The following FARSB variants were observed in gnomAD, a reference collection of about 807,000 sequenced individuals.
FARSB encodes the protein phenylalanyl-tRNA synthetase subunit beta, also known as phenylalanine--tRNA ligase beta subunit.
In FARSB, 40 loss-of-function variants were observed where a neutral mutation model predicts 69.6. The ratio of observed to expected loss-of-function variants is 0.57; its 90% CI spans 0.45 to 0.75. FARSB has a LOEUF of 0.75. Ranked by LOEUF, FARSB falls within the 30% of genes least tolerant of loss-of-function variation. FARSB has a pLI of 0.00. For missense variants in FARSB, 632 were observed against 722.9 expected (o/e 0.87, Z 1.44); for synonymous variants, 235 against 247.2 (o/e 0.95, Z 0.46).
intron 3 of FARSB, among the ~76,000 whole-genome samples, chr2:222,641,289 T>C (rs368455112): frequency 6.6e-6 from 1 of 152,172 alleles, no homozygotes; most frequent in Non-Finnish European, 1.5e-5. Flanking sequence ...ATTCTAACCA[T>C]GAGATTCTGA....
rs779522573 is a variant in FARSB at position 222,633,273 on chromosome 2, A to G, written c.641T>C (p.Ile214Thr). The change falls in exon 7 of 17, where the codon ATT (isoleucine) becomes ACT (threonine). Residue 214 changes from isoleucine (I) to threonine (T), a missense_variant. Transcript: ENST00000281828. ...AACTGGATACAGGGGTTTGTTTTCAATGATATGTAAATAATGTTTCAGGTG... is the reference window on the plus strand; with the variant it reads ...AACTGGATACAGGGGTTTGTTTTCAGTGATATGTAAATAATGTTTCAGGTG... Reference protein sequence around the residue: ...DNHLKHYLHIIENKPLYPVIY... With the variant: ...DNHLKHYLHITENKPLYPVIY... 1.3e-6 allele frequency: 2 copies of G among 1,568,344 alleles called. No individual in the cohort carries two copies. Among genetic ancestry groups the G allele is most frequent in the South Asian group, 2.3e-5 (2 of 85,844 alleles).
Position 222,633,180 on chromosome 2 carries a change from T to G in FARSB, c.715+19A>C. On this transcript the variant is annotated intron_variant, in intron 7 of 16. Transcript: ENST00000281828. ...AAAAGGAAACAGCAAAGATCTGTGA[T>G]GCTTATAAAATAACTCACCATTGAT... 2 of 1,118,686 alleles carry G rather than the reference T, an allele frequency of 1.8e-6. No homozygotes were observed. The highest frequency in any genetic ancestry group is 1.4e-6 in the Non-Finnish European group (1 of 728,712). The allele number at this position is 1,118,686 out of a possible 1,614,324, so 69.3% of individuals were successfully genotyped here. A position where few individuals can be genotyped will look rare whatever the true frequency, so the allele number is the denominator to read the frequency against.
In FARSB at chr2:222,624,456, T is replaced by C. The variant is rs554768563; in HGVS notation, c.986A>G (p.Lys329Arg). Residue 329 changes from lysine (K) to arginine (R), a missense_variant, in exon 12 of 17, where the codon AAA becomes AGA. Physicochemically the swap from Lys to Arg is conservative, Grantham distance 26. Coordinates refer to ENST00000281828, the MANE Select transcript of FARSB (RefSeq NM_005687.5). ...TTTTAAATACATCCTGGTCAGAAGT[T>C]TGGCAAGATTTTCTGGAGTTTCTCT... ...GIRETPENLAKLLTRMYLKSE... is the reference protein window; with the variant it reads ...GIRETPENLARLLTRMYLKSE... 2.0e-4 allele frequency: 329 copies of C among 1,612,536 alleles called. 2 individuals carry two copies. The South Asian group carries it at 3.4e-3, about 17-fold the overall frequency.
In FARSB at chr2:222,613,914, G is replaced by A. The variant is rs1690926568; in HGVS notation, c.1359C>T (p.Thr453=). The change falls in exon 15 of 17, where the codon ACC becomes ACT. Residue 453 remains threonine, a synonymous_variant. Transcript: ENST00000281828. ...TGGTCTTCAGGAGGCCAGGAAGAAG[G>A]GTAGTGCGTGCCACCTACAGGAAAA... The part of the protein sequence containing the change: ...KTAEFQVART[T]LLPGLLKTIA... The A allele has an allele frequency of 1.2e-6, 2 of 1,611,048 alleles. No homozygotes were observed. The highest frequency in any genetic ancestry group is 1.7e-6 in the Non-Finnish European group (2 of 1,177,348).
At chr2:222,625,784 T>A (rs1691253871) in intron 10 of FARSB, among the ~76,000 whole-genome samples, 1 of 152,242 alleles carries the variant, frequency 6.6e-6, no homozygotes, top group South Asian at 2.1e-4. Flanking sequence ...ATGCTATTAG[T>A]ATTCTCATTT....
chr2:222,626,451 T>C (rs1691278644), intron 10 of FARSB, among the ~76,000 whole-genome samples: 1 of 152,090 alleles, frequency 6.6e-6, no homozygotes, highest in Non-Finnish European at 1.5e-5. Context: ...TGAGAAAATA[T>C]GCTATTTCAT....
intron 10 of FARSB, among the ~76,000 whole-genome samples, chr2:222,628,083 T>G (rs10932964): frequency 0.28 from 42,676 of 152,130 alleles, 7,167 homozygotes; most frequent in Non-Finnish European, 0.37. Context: ...AAATTAGTCT[T>G]AATAATACAT....
Position 222,624,332 on chromosome 2 carries a change from A to G in FARSB, c.1110T>C (p.Ile370=), listed in dbSNP as rs1290652443. 1 of 1,613,102 alleles carries G rather than the reference A, an allele frequency of 6.2e-7. No individual in the cohort carries two copies. The highest frequency in any genetic ancestry group is 1.3e-5 in the African/African-American group (1 of 75,058). Residue 370 remains isoleucine, a synonymous_variant, in exon 12 of 17, where the codon ATT becomes ATC. Coordinates refer to ENST00000281828, the MANE Select transcript of FARSB (RefSeq NM_005687.5). ...HACDIVEDAA[I]AYGYNNIQMT... ...TCTGAATGTTGTTATATCCATAAGCAATAGCTGCATCTTCTACAATATCAC... is the reference window on the plus strand; with the variant it reads ...TCTGAATGTTGTTATATCCATAAGCGATAGCTGCATCTTCTACAATATCAC...
Position 222,625,324 on chromosome 2 carries a change from A to G in FARSB, c.901-549T>C, listed in dbSNP as rs1204816376. ...GTATTAGTGAGGTGAGAACACACAC[A>G]CATAAATCCCAGGCTTTTCAACACC... On this transcript the variant is annotated intron_variant, in intron 10 of 16. Transcript: ENST00000281828. Among the ~76,000 whole-genome samples the G allele has an allele frequency of 5.9e-5, 9 of 152,368 alleles. No individual in the cohort carries two copies. In the East Asian group the frequency reaches 1.7e-3, roughly 29 times the overall value.
At chr2:222,639,924 G>GA (rs1182148814) in intron 4 of FARSB, among the ~76,000 whole-genome samples, 1 of 152,112 alleles carries the variant, frequency 6.6e-6, no homozygotes, top group African/African-American at 2.4e-5. Context: ...AAATAATTGA[G>GA]AAAAAGTTTG....
chr2:222,575,916 GTT>G (rs1377950189), intron 16 of FARSB, among the ~76,000 whole-genome samples: 4 of 151,838 alleles, frequency 2.6e-5, no homozygotes, highest in Non-Finnish European at 5.9e-5. Context: ...CCATCAAAGA[GTT>G]TGTAAGCTCC....
intron 16 of FARSB, among the ~76,000 whole-genome samples, chr2:222,595,816 C>T (rs1690397784): frequency 6.6e-6 from 1 of 151,938 alleles, no homozygotes; most frequent in Admixed American, 6.6e-5. Flanking sequence ...ATTTTCCTTG[C>T]CCAGAAGTGG....
intron 16 of FARSB, among the ~76,000 whole-genome samples, chr2:222,599,096 C>A (rs7591848): frequency 0.96 from 145,680 of 152,162 alleles, 69,784 homozygotes; most frequent in East Asian, 1. Flanking sequence ...AAGAAAAAAA[C>A]ATATTACCCC....
intron 2 of FARSB, among the ~76,000 whole-genome samples, chr2:222,648,087 G>A (rs749655671): frequency 1.3e-5 from 2 of 152,048 alleles, no homozygotes; most frequent in African/African-American, 2.4e-5. Context: ...TCAAGCCCCC[G>A]CGAGGAAGGA....
At chr2:222,638,928 A>G (rs927672625) in intron 5 of FARSB, among the ~76,000 whole-genome samples, 5 of 152,362 alleles carry the variant, frequency 3.3e-5, no homozygotes, top group Admixed American at 2.6e-4. Context: ...ATCAGTAAGT[A>G]TACAGTTTCC....
At position 222,579,104 on chromosome 2, in the gene FARSB, T is replaced by TG. The variant is rs199743332; in HGVS notation, c.1619-7083dup. Among the ~76,000 whole-genome samples, 1,150 of 152,110 alleles carry TG rather than the reference T, an allele frequency of 7.6e-3. 13 individuals carry two copies. Among genetic ancestry groups the TG allele is most frequent in the African/African-American group, 0.027 (1,112 of 41,488 alleles). On this transcript the variant is annotated intron_variant, in intron 16 of 16. Coordinates refer to ENST00000281828, the MANE Select transcript of FARSB (RefSeq NM_005687.5). ...CTTTGTGGGACAGACAAGTTACAGA[T>TG]GGGAAAAAGTGAAGCACAAGGAGAT...
At chr2:222,627,421 C>T (rs143661274) in intron 10 of FARSB, among the ~76,000 whole-genome samples, 27 of 152,284 alleles carry the variant, frequency 1.8e-4, no homozygotes, top group African/African-American at 4.3e-4. Context: ...AAGAAGCAGA[C>T]GTGAGTGAGG....
At chr2:222,595,301 C>T (rs1427392246) in intron 16 of FARSB, among the ~76,000 whole-genome samples, 2 of 152,082 alleles carry the variant, frequency 1.3e-5, no homozygotes, top group East Asian at 3.9e-4. Flanking sequence ...CATATATTTC[C>T]AAGCTCATGT....
intron 15 of FARSB, among the ~76,000 whole-genome samples, chr2:222,612,359 CT>C (rs1690877772): frequency 6.6e-6 from 1 of 152,216 alleles, no homozygotes; most frequent in African/African-American, 2.4e-5. Context: ...CAAATTACCA[CT>C]TTCTGTCTTA....
Sources: allele counts gnomAD v4.1 joint callset (sites outside exome capture counted in the v4.1 genomes callset), GRCh38; gene constraint gnomAD v4.1.1; transcripts MANE v1.5; gene names NCBI Gene and HGNC (gene_info 2026-07-23, HGNC 2026-07-21).